The following IFT140 variants were observed in gnomAD, a reference collection of about 807,000 sequenced individuals.
The protein encoded by IFT140 is intraflagellar transport protein 140 homolog.
In IFT140, 133 loss-of-function variants were observed where a neutral mutation model predicts 164.6. The observed-to-expected ratio is 0.81, with a 90% confidence interval of 0.70 to 0.93. IFT140 has a LOEUF of 0.93. Ranked by LOEUF, IFT140 falls within the 40% of genes least tolerant of loss-of-function variation. IFT140 has a pLI of 0.00. For synonymous variants in IFT140, 860 were observed against 817.3 expected (o/e 1.05, Z -0.89); for missense variants, 2,045 against 1,972.3 (o/e 1.04, Z -0.70).
rs780322207 is a variant in IFT140, at chr16:1,564,318, C to T, written c.1902-156G>A. Among the ~76,000 whole-genome samples the T allele has an allele frequency of 6.6e-6, 1 of 152,198 alleles. No individual in the cohort carries two copies. The highest frequency in any genetic ancestry group is 1.5e-5 in the Non-Finnish European group (1 of 68,038). ...GAACTTTTGGGGTCTCACTGCCATGCGCCCTACTGGAACATGTTCTCAGAT... is the reference window on the plus strand; with the variant it reads ...GAACTTTTGGGGTCTCACTGCCATGTGCCCTACTGGAACATGTTCTCAGAT... On this transcript the variant is annotated intron_variant, in intron 16 of 30. Transcript: ENST00000426508. This position sits in a 1 kb window ranked among gnomAD's most constrained non-coding sequence, Gnocchi z 5.5.
chr16:1,512,678 G>A (rs1440977147), intron 30 of IFT140, among the ~76,000 whole-genome samples: 2 of 152,166 alleles, frequency 1.3e-5, no homozygotes, highest in Non-Finnish European at 2.9e-5. Context: ...AGGGCGCGGT[G>A]CTGCACACCA....
rs1397599606 is a variant in IFT140, at chr16:1,524,766, C to T, written c.2997+18G>A. 6.3e-7 allele frequency: 1 copy of T among 1,598,300 alleles called. No individual in the cohort carries two copies. Among genetic ancestry groups the T allele is most frequent in the Non-Finnish European group, 8.6e-7 (1 of 1,167,420 alleles). On this transcript the variant is annotated intron_variant, in intron 23 of 30. Transcript: ENST00000426508. ...CTGCCTCGTGTCCGCCTGGCCGGCT[C>T]CCCTGCGGGGACCTTACCTTCTGGA...
chr16:1,523,330 G>C (rs1332772531), intron 26 of IFT140, among the ~76,000 whole-genome samples, 188 bp downstream of exon 26: 3 of 151,488 alleles, frequency 2.0e-5, no homozygotes. Context: ...CAGCGTGAAG[G>C]ATGGCGAGTC....
intron 16 of IFT140, among the ~76,000 whole-genome samples, chr16:1,565,148 G>A (rs927007295): frequency 1.3e-4 from 20 of 152,210 alleles, no homozygotes; most frequent in African/African-American, 4.8e-4. Flanking sequence ...AGAGTCGAGA[G>A]GGAAAAGCAT....
intron 14 of IFT140, 140 bp from the exon 15 acceptor site, chr16:1,568,474 T>C: frequency 4.5e-6 from 3 of 669,200 alleles, no homozygotes; most frequent in Admixed American, 2.7e-5. Flanking sequence ...GTGTGCACCA[T>C]GAGGTGGGGC....
chr16:1,548,808 C>G (rs2032391664), intron 19 of IFT140, among the ~76,000 whole-genome samples: 1 of 152,242 alleles, frequency 6.6e-6, no homozygotes, highest in African/African-American at 2.4e-5. Context: ...CAGTCACCTT[C>G]TTACGCGCGT....
At chr16:1,573,500 C>T (rs1292838841) in intron 13 of IFT140, among the ~76,000 whole-genome samples, 2 of 152,040 alleles carry the variant, frequency 1.3e-5, no homozygotes, top group Non-Finnish European at 2.9e-5. Flanking sequence ...TCTTAGACAC[C>T]CCTAAGGGCT....
intron 19 of IFT140, among the ~76,000 whole-genome samples, chr16:1,537,679 A>G (rs185436688): frequency 6.6e-6 from 1 of 152,246 alleles, no homozygotes; most frequent in African/African-American, 2.4e-5. Context: ...TCTCCTCCTC[A>G]CTTCGTCTCG....
chr16:1,571,263 A>G (rs893704762), intron 14 of IFT140, 144 bp downstream of exon 14: 2 of 725,126 alleles, frequency 2.8e-6, no homozygotes, highest in Admixed American at 3.0e-5. Flanking sequence ...CCCCAACATG[A>G]GGCATTCGAG....
At chr16:1,592,833 A>G (rs1166673333) in intron 4 of IFT140, among the ~76,000 whole-genome samples, 1 of 150,616 alleles carries the variant, frequency 6.6e-6, no homozygotes, top group African/African-American at 2.5e-5. Flanking sequence ...AAGGCTGGCA[A>G]GGTACCCTGA....
Position 1,587,211 on chromosome 16 carries a change from G to A in IFT140, c.996C>T (p.Tyr332=). ...AGGAAGCCTCACCTTTGACTTTACA[G>A]TAACACACACAGTTCATATTCTCTC... ...EKGENMNCVC[Y]CKVKGLLAAG... Residue 332 remains tyrosine (Y), a synonymous_variant, in exon 9 of 31, where the codon TAC becomes TAT. Transcript: ENST00000426508. 6.2e-7 allele frequency: 1 copy of A among 1,607,208 alleles called. No individual in the cohort carries two copies. Among genetic ancestry groups the A allele is most frequent in the South Asian group, 1.1e-5 (1 of 90,936 alleles).
At chr16:1,512,207 G>C (rs2040188132) in intron 30 of IFT140, among the ~76,000 whole-genome samples, 1 of 118,784 alleles carries the variant, frequency 8.4e-6, no homozygotes, top group Non-Finnish European at 1.8e-5. Context: ...GGTGGGTGGG[G>C]GGCAGGATGG....
chr16:1,510,674 G>A lies in IFT140; in HGVS notation c.*270C>T, dbSNP rs2040109695. On this transcript the variant is annotated 3_prime_UTR_variant, in exon 31 of 31. Transcript: ENST00000426508. ...TTACAATGTGTAGTTGGGAGAATAC[G>A]ATGGAAGGGTGAACCCGACTCCCTT... 2.7e-5 allele frequency: 15 copies of A among 561,222 alleles called. No individual in the cohort carries two copies. Among genetic ancestry groups the A allele is most frequent in the Middle Eastern group, 4.7e-4 (1 of 2,134 alleles). The allele number at this position is 561,222 out of a possible 1,614,324, so 34.8% of individuals were successfully genotyped here.
intron 19 of IFT140, among the ~76,000 whole-genome samples, chr16:1,530,079 T>C (rs1269299603): frequency 1.3e-5 from 2 of 151,522 alleles, no homozygotes; most frequent in East Asian, 3.9e-4. Context: ...CACCACGTTG[T>C]AAGACATGCA....
At chr16:1,601,728 G>A (rs1364212374) in intron 4 of IFT140, among the ~76,000 whole-genome samples, 2 of 152,210 alleles carry the variant, frequency 1.3e-5, no homozygotes, top group African/African-American at 4.8e-5. Flanking sequence ...TGGTAAGAAT[G>A]CACTTGTGTG....
At chr16:1,601,255 T>G (rs956388048) in intron 4 of IFT140, among the ~76,000 whole-genome samples, 1 of 147,966 alleles carries the variant, frequency 6.8e-6, no homozygotes, top group African/African-American at 2.5e-5. Context: ...CAGAGCAAGA[T>G]TCCATCACAA....
At chr16:1,591,876 G>C (rs1031162590) in intron 6 of IFT140, among the ~76,000 whole-genome samples, 1 of 152,198 alleles carries the variant, frequency 6.6e-6, no homozygotes, top group East Asian at 1.9e-4. Context: ...TTCCAAAACT[G>C]TCTCTGGTGC....
chr16:1,522,764 G>A (rs146482580), intron 26 of IFT140, among the ~76,000 whole-genome samples: 2,117 of 152,274 alleles, frequency 0.014, 68 homozygotes, highest in African/African-American at 0.049. Context: ...CCTGAACCCA[G>A]GAAGTGGAGC....
chr16:1,530,510 G>T (rs1003524786), intron 19 of IFT140, among the ~76,000 whole-genome samples: 1 of 152,160 alleles, frequency 6.6e-6, no homozygotes, highest in Non-Finnish European at 1.5e-5. Context: ...ACAGGGCTGG[G>T]ACCTGCCTCT....
Sources: gnomAD v4.1 joint callset for allele counts (sites outside exome capture counted in the v4.1 genomes callset) on GRCh38, gnomAD v4.1.1 for gene constraint, Gnocchi (gnomAD v3.1) non-coding constraint, MANE v1.5 for transcripts, NCBI Gene and HGNC (gene_info 2026-07-23, HGNC 2026-07-21) for gene names.